Variants in TGFBR3 observed in about 807,000 individuals in gnomAD.
TGFBR3 encodes the protein transforming growth factor beta receptor 3, also known as transforming growth factor beta receptor type 3.
Under a neutral mutation model 87.9 loss-of-function variants are expected in TGFBR3, and 46 were observed. The observed-to-expected ratio is 0.52, with a 90% CI of 0.41 to 0.67. The LOEUF is 0.67. Ranked by LOEUF, TGFBR3 falls within the 30% of genes least tolerant of loss-of-function variation. The pLI is 0.00. For missense variants in TGFBR3, 866 were observed against 1,041.9 expected (o/e 0.83, Z 2.32); for synonymous variants, 381 against 391.6 (o/e 0.97, Z 0.32).
chr1:91,834,872 G>T (rs1677000417), intron 2 of TGFBR3, among the ~76,000 whole-genome samples: 2 of 152,162 alleles, frequency 1.3e-5, no homozygotes, highest in Non-Finnish European at 2.9e-5. Flanking sequence ...TAGAGTCAGG[G>T]TTTTGCCATG....
At chr1:91,803,546 T>TG (rs934917984) in intron 2 of TGFBR3, among the ~76,000 whole-genome samples, 2 of 152,096 alleles carry the variant, frequency 1.3e-5, no homozygotes, top group African/African-American at 4.8e-5. Context: ...CTGCTTTTTT[T>TG]TTTTTAATAG....
intron 4 of TGFBR3, among the ~76,000 whole-genome samples, chr1:91,740,283 T>C (rs560565536): frequency 6.6e-6 from 1 of 151,984 alleles, no homozygotes; most frequent in East Asian, 1.9e-4. Context: ...GGTCTCAAAC[T>C]CCTGACCTCA....
At chr1:91,794,699 A>G (rs1675311549) in intron 3 of TGFBR3, among the ~76,000 whole-genome samples, 1 of 152,192 alleles carries the variant, frequency 6.6e-6, no homozygotes. Context: ...AGGTTCATCC[A>G]TGCTGTAGCA....
chr1:91,719,451 G>T lies in TGFBR3; in HGVS notation c.1427C>A (p.Ser476Ter). ...EKDSFQASGY[S>*]GMDVTLLDPT... Reference sequence around the variant, plus strand: ...ATCCAACAGGGTGACGTCCATCCCCGAGTAGCCACTGGCCTAAAACAACAA... The same window carrying T: ...ATCCAACAGGGTGACGTCCATCCCCTAGTAGCCACTGGCCTAAAACAACAA... The change falls in exon 10 of 17, where the codon TCG (serine) becomes TAG (stop). Residue 476 changes from serine to a stop codon, truncating the protein, a stop_gained. Coordinates refer to ENST00000212355, the MANE Select transcript of TGFBR3 (RefSeq NM_003243.5). LOFTEE classifies it high-confidence loss of function. The T allele has an allele frequency of 6.2e-7, 1 of 1,614,064 alleles. No homozygotes were observed. The highest frequency in any genetic ancestry group is 8.5e-7 in the Non-Finnish European group (1 of 1,180,002).
chr1:91,770,785 C>G (rs6700529), intron 3 of TGFBR3: 3 of 152,018 alleles, frequency 2.0e-5, no homozygotes, highest in African/African-American at 7.3e-5. Flanking sequence ...TTAAACTGCC[C>G]CAAACAGGAA....
chr1:91,725,427 G>C (rs1672516779), intron 7 of TGFBR3, among the ~76,000 whole-genome samples: 1 of 152,246 alleles, frequency 6.6e-6, no homozygotes, highest in African/African-American at 2.4e-5. Flanking sequence ...TTTTATGGCA[G>C]GCACTCTGCT....
At chr1:91,883,609 G>T (rs940445652) in intron 1 of TGFBR3, among the ~76,000 whole-genome samples, 1 of 152,050 alleles carries the variant, frequency 6.6e-6, no homozygotes, top group Non-Finnish European at 1.5e-5. Context: ...AAATAACAAT[G>T]AACTCCCCAC....
chr1:91,831,775 C>T (rs1032712152), intron 2 of TGFBR3, among the ~76,000 whole-genome samples: 1 of 152,176 alleles, frequency 6.6e-6, no homozygotes, highest in African/African-American at 2.4e-5. Context: ...GCCTGCTGAA[C>T]ATCAAAACAC....
intron 2 of TGFBR3, among the ~76,000 whole-genome samples, chr1:91,810,081 C>T (rs544174605): frequency 6.6e-6 from 1 of 152,286 alleles, no homozygotes; most frequent in South Asian, 2.1e-4. Flanking sequence ...TGGACGGGGA[C>T]AAGGTCTGGC....
intron 1 of TGFBR3, among the ~76,000 whole-genome samples, chr1:91,864,591 C>A (rs1247486201): frequency 6.6e-6 from 1 of 152,156 alleles, no homozygotes; most frequent in Non-Finnish European, 1.5e-5. Context: ...TGTCTAATCT[C>A]CCCAGTGTGG....
At chr1:91,873,104 A>T (rs962399967) in intron 1 of TGFBR3, among the ~76,000 whole-genome samples, 4 of 151,766 alleles carry the variant, frequency 2.6e-5, no homozygotes, top group African/African-American at 9.7e-5. Flanking sequence ...TTAAGCAGGG[A>T]CTACAGGTGT....
chr1:91,707,061 T>G (rs927022796), intron 14 of TGFBR3, among the ~76,000 whole-genome samples: 7 of 152,164 alleles, frequency 4.6e-5, no homozygotes, highest in African/African-American at 1.7e-4. Flanking sequence ...AAAAATGAAT[T>G]AAAGATTATT....
intron 3 of TGFBR3, among the ~76,000 whole-genome samples, chr1:91,765,931 A>G (rs1304858541): frequency 1.3e-5 from 2 of 152,208 alleles, no homozygotes; most frequent in African/African-American, 4.8e-5. Flanking sequence ...TCCCTGTCAC[A>G]TTTAATAAAT....
intron 16 of TGFBR3, among the ~76,000 whole-genome samples, chr1:91,692,002 CA>C (rs535806204): frequency 2.7e-5 from 4 of 146,388 alleles, no homozygotes; most frequent in Admixed American, 6.8e-5. Context: ...CGTCTCAAAA[CA>C]AAAAAAAGAA....
chr1:91,817,053 A>C lies in TGFBR3; in HGVS notation c.62-19582T>G, dbSNP rs555712013. On this transcript the variant is annotated intron_variant, in intron 2 of 16. Transcript: ENST00000212355. ...AACAAGAATTACTGGCATAGCTAAG[A>C]ATTCAAGAAATCAGAATACAGTCTC... is the stretch of plus-strand genomic sequence containing the variant. 5.3e-5 allele frequency among the ~76,000 whole-genome samples: 8 copies of C among 152,354 alleles called. No individual in the cohort carries two copies. In the East Asian group the frequency reaches 1.5e-3, roughly 29 times the overall value.
At chr1:91,686,077 G>T (rs1239363115) in intron 16 of TGFBR3, among the ~76,000 whole-genome samples, 3 of 152,170 alleles carry the variant, frequency 2.0e-5, no homozygotes, top group Non-Finnish European at 4.4e-5. Context: ...CCCAACAGCA[G>T]GTAAAAGAGA....
Position 91,683,778 on chromosome 1 carries a change from GCTGCCGATGCTGTGGGCAGCA to G in TGFBR3, c.2496_2516del (p.Ala833_Ser839del). ...TGCTGGAGCAAGGCGTGCTCTGCGTGCTGCCGATGCTGTGGGCAGCACTGCTGTTTTCCGAGGCTGGCGGGG... is the reference window on the plus strand; with the variant it reads ...TGCTGGAGCAAGGCGTGCTCTGCGTGCTGCTGTTTTCCGAGGCTGGCGGGG... On this transcript the variant is annotated inframe_deletion, in exon 17 of 17. Transcript: ENST00000212355. 6.2e-7 allele frequency: 1 copy of G among 1,603,360 alleles called. No individual in the cohort carries two copies. The highest frequency in any genetic ancestry group is 8.5e-7 in the Non-Finnish European group (1 of 1,176,466).
chr1:91,808,221 C>T (rs284154), intron 2 of TGFBR3, among the ~76,000 whole-genome samples: 2 of 151,988 alleles, frequency 1.3e-5, no homozygotes, highest in Non-Finnish European at 2.9e-5. Context: ...GAGGCCAGGA[C>T]TTCAAGACCA....
At position 91,861,600 on chromosome 1, in the gene TGFBR3, A is replaced by T; in HGVS notation, c.-69T>A. On this transcript the variant is annotated 5_prime_UTR_variant, in exon 2 of 17. It adds an upstream start codon to the 5' untranslated region. Coordinates refer to ENST00000212355, the MANE Select transcript of TGFBR3 (RefSeq NM_003243.5). ...GCTCAGAGCACAGACAATCTTTGCA[A>T]ATCAGAAGTAGTCTTAAAGTCCCTC... is the stretch of plus-strand genomic sequence containing the variant. 2 of 1,255,672 alleles carry T rather than the reference A, an allele frequency of 1.6e-6. No homozygotes were observed. Among genetic ancestry groups the T allele is most frequent in the Non-Finnish European group, 2.3e-6 (2 of 853,886 alleles). The allele number at this position is 1,255,672 out of a possible 1,614,324, so 77.8% of individuals were successfully genotyped here.
Sources: gnomAD v4.1 joint callset for allele counts (sites outside exome capture counted in the v4.1 genomes callset) on GRCh38, gnomAD v4.1.1 for gene constraint, MANE v1.5 for transcripts, NCBI Gene and HGNC (gene_info 2026-07-23, HGNC 2026-07-21) for gene names.